The following IGSF11 variants were observed in gnomAD, a reference collection of about 807,000 sequenced individuals.
The protein encoded by IGSF11 is immunoglobulin superfamily member 11, also known as CXADR like 1.
IGSF11 carries 22 observed loss-of-function variants against 41.0 expected under a neutral mutation model. The observed-to-expected ratio is 0.54, with a 90% CI of 0.38 to 0.77. IGSF11 has a LOEUF of 0.77. Ranked by LOEUF, IGSF11 falls within the 30% of genes least tolerant of loss-of-function variation. The pLI is 0.00. For synonymous variants in IGSF11, 219 were observed against 201.3 expected (o/e 1.09, Z -0.74); for missense variants, 444 against 530.8 (o/e 0.84, Z 1.61).
chr3:119,117,285 A>T (rs2077271129), intron 1 of IGSF11, among the ~76,000 whole-genome samples: 1 of 152,160 alleles, frequency 6.6e-6, no homozygotes, highest in South Asian at 2.1e-4. Context: ...ACATACCCCA[A>T]AACTAGGTAA....
At chr3:118,986,933 A>G (rs1296538515) in intron 1 of IGSF11, among the ~76,000 whole-genome samples, 1 of 152,206 alleles carries the variant, frequency 6.6e-6, no homozygotes, top group African/African-American at 2.4e-5. Flanking sequence ...TCACTCTAAG[A>G]CCATGGCTGT....
intron 1 of IGSF11, 111 bp from the exon 2 acceptor site, chr3:118,930,386 C>G: frequency 9.6e-7 from 1 of 1,038,154 alleles, no homozygotes; most frequent in Non-Finnish European, 1.3e-6. Flanking sequence ...ATTATGTGAA[C>G]AGACTGACAT....
chr3:119,136,141 A>C (rs747364441), intron 1 of IGSF11, among the ~76,000 whole-genome samples: 47 of 152,146 alleles, frequency 3.1e-4, no homozygotes, highest in Non-Finnish European at 6.2e-4. Context: ...GCAGCGAACC[A>C]ACATGGCACA....
intron 1 of IGSF11, among the ~76,000 whole-genome samples, chr3:118,990,438 C>G (rs1266219629): frequency 6.6e-6 from 1 of 152,074 alleles, no homozygotes; most frequent in Non-Finnish European, 1.5e-5. Context: ...TCACTCAATT[C>G]AATTAAGTGT....
chr3:118,921,451 CTAAA>C (rs1338022536), intron 4 of IGSF11, among the ~76,000 whole-genome samples: 18 of 152,188 alleles, frequency 1.2e-4, no homozygotes, highest in Admixed American at 8.5e-4. Context: ...GAAAAGGAGA[CTAAA>C]TACAGAGTTT....
chr3:119,115,254 G>A (rs1198879212), intron 1 of IGSF11, among the ~76,000 whole-genome samples: 1 of 152,130 alleles, frequency 6.6e-6, no homozygotes, highest in African/African-American at 2.4e-5. Context: ...CTTGCTTTGG[G>A]GTATATACCT....
intron 1 of IGSF11, among the ~76,000 whole-genome samples, chr3:118,976,211 G>T (rs1934084045): frequency 6.6e-6 from 1 of 152,032 alleles, no homozygotes; most frequent in Admixed American, 6.6e-5. Context: ...AAAAAAAGAT[G>T]GTGTGTCAAA....
intron 1 of IGSF11, among the ~76,000 whole-genome samples, chr3:118,980,590 A>G (rs907939062): frequency 6.6e-6 from 1 of 152,220 alleles, no homozygotes; most frequent in Admixed American, 6.5e-5. Flanking sequence ...ATTAGATACA[A>G]GGAATATGTT....
At chr3:119,059,344 T>A (rs374435449) in intron 1 of IGSF11, among the ~76,000 whole-genome samples, 10 of 152,116 alleles carry the variant, frequency 6.6e-5, no homozygotes, top group African/African-American at 2.4e-4. Context: ...TTCTCATTTA[T>A]ATGTGGGAGC....
upstream of IGSF11, among the ~76,000 whole-genome samples, chr3:119,036,480 G>T (rs577498148): frequency 6.6e-6 from 1 of 152,280 alleles, no homozygotes; most frequent in Admixed American, 6.5e-5. Context: ...GCGGTCAAGT[G>T]ATAGGAGCTA....
At chr3:119,105,260 G>A (rs2077004021), upstream of IGSF11, 3 of 1,025,788 alleles carry the variant, frequency 2.9e-6, no homozygotes, top group Non-Finnish European at 4.4e-6. Flanking sequence ...AACATTATAT[G>A]TATTTCATTT....
At chr3:119,076,751 G>A (rs998125233) in intron 1 of IGSF11, among the ~76,000 whole-genome samples, 27 of 152,004 alleles carry the variant, frequency 1.8e-4, no homozygotes, top group African/African-American at 6.5e-4. Flanking sequence ...TCATTAAAAA[G>A]TCAGGAAACA....
intron 1 of IGSF11, among the ~76,000 whole-genome samples, chr3:119,070,267 C>G (rs915983551): frequency 6.6e-6 from 1 of 152,194 alleles, no homozygotes; most frequent in Admixed American, 6.5e-5. Flanking sequence ...ATAAACGAAT[C>G]TTCAACCAAA....
chr3:119,080,045 G>A (rs2076563483), intron 1 of IGSF11, among the ~76,000 whole-genome samples: 2 of 151,988 alleles, frequency 1.3e-5, no homozygotes, highest in South Asian at 4.2e-4. Context: ...AATAAAAGTT[G>A]GAAGGAAATA....
intron 1 of IGSF11, among the ~76,000 whole-genome samples, chr3:119,073,672 G>A (rs370371434): frequency 3.9e-5 from 6 of 152,322 alleles, no homozygotes; most frequent in South Asian, 2.1e-4. Context: ...GCCCAGGGCC[G>A]GGAGCACCGG....
chr3:118,939,610 G>T (rs1281359199), intron 1 of IGSF11, among the ~76,000 whole-genome samples: 1 of 151,750 alleles, frequency 6.6e-6, no homozygotes, highest in African/African-American at 2.4e-5. Context: ...TAATTCACAG[G>T]TCAAAGAAGA....
chr3:119,062,615 C>T lies in IGSF11; in HGVS notation c.49+42529G>A, dbSNP rs1374788462. On this transcript the variant is annotated intron_variant, in intron 1 of 6. Coordinates refer to the IGSF11 transcript ENST00000354673. ...CAAGATTGCCAAGAATTCCAGAAGTCCTGTTGCTGAATCTGCATCTATTTA... is the reference window on the plus strand; with the variant it reads ...CAAGATTGCCAAGAATTCCAGAAGTTCTGTTGCTGAATCTGCATCTATTTA... Among the ~76,000 whole-genome samples, 4 of 152,178 alleles carry T rather than the reference C, an allele frequency of 2.6e-5. No homozygotes were observed. In the East Asian group the frequency reaches 7.7e-4, roughly 29 times the overall value.
At chr3:118,911,408 C>T (rs1940276253) in intron 4 of IGSF11, among the ~76,000 whole-genome samples, 1 of 152,118 alleles carries the variant, frequency 6.6e-6, no homozygotes, top group East Asian at 1.9e-4. Flanking sequence ...GGGGAAACAG[C>T]AGTGTCAGTT....
chr3:118,955,763 C>T (rs183641402), intron 1 of IGSF11, among the ~76,000 whole-genome samples: 1 of 152,160 alleles, frequency 6.6e-6, no homozygotes, highest in Non-Finnish European at 1.5e-5. Context: ...CTTAAGGGCT[C>T]AAGGATTTTC....
Sources: allele counts gnomAD v4.1 joint callset (sites outside exome capture counted in the v4.1 genomes callset), GRCh38; gene constraint gnomAD v4.1.1; transcripts MANE v1.5; gene names NCBI Gene and HGNC (gene_info 2026-07-23, HGNC 2026-07-21).